CLSTN2: variants seen among roughly 807,000 people sequenced by gnomAD.
CLSTN2 encodes the protein calsyntenin-2.
Under a neutral mutation model 101.2 loss-of-function variants are expected in CLSTN2, and 48 were observed. That is an observed-to-expected ratio of 0.47 (90% CI 0.38 to 0.60). The LOEUF (loss-of-function observed/expected upper bound fraction) is 0.60. CLSTN2 is among the 20% of genes least tolerant of loss of function. The probability of loss-of-function intolerance (pLI) is 0.00; values close to 1 mark genes in which losing one functional copy is unlikely to be tolerated. For synonymous variants in CLSTN2, 481 were observed against 463.6 expected (o/e 1.04, Z -0.48); for missense variants, 1,160 against 1,238.2 (o/e 0.94, Z 0.95).
intron 2 of CLSTN2, among the ~76,000 whole-genome samples, chr3:140,246,548 G>A (rs930107518): frequency 3.9e-5 from 6 of 152,092 alleles, no homozygotes; most frequent in African/African-American, 1.4e-4. Context: ...CCTGCACAAT[G>A]GGCATGATAC....
chr3:140,157,028 G>T (rs1256611271), intron 1 of CLSTN2, among the ~76,000 whole-genome samples: 1 of 152,104 alleles, frequency 6.6e-6, no homozygotes, highest in Non-Finnish European at 1.5e-5. Flanking sequence ...GGGAGGTCTT[G>T]CCCCTGCCCT....
chr3:139,959,158 T>G (rs1935460171), intron 1 of CLSTN2, among the ~76,000 whole-genome samples: 1 of 152,154 alleles, frequency 6.6e-6, no homozygotes, highest in Non-Finnish European at 1.5e-5. Context: ...CTGTCTCTGC[T>G]GAGCCCCCCT....
chr3:140,395,370 C>T (rs1248040906), intron 2 of CLSTN2, among the ~76,000 whole-genome samples: 1 of 152,130 alleles, frequency 6.6e-6, no homozygotes, highest in Non-Finnish European at 1.5e-5. Flanking sequence ...GACCTTTATA[C>T]TTCCCACATC....
At chr3:140,020,603 T>C (rs1435571410) in intron 1 of CLSTN2, among the ~76,000 whole-genome samples, 1 of 152,184 alleles carries the variant, frequency 6.6e-6, no homozygotes, top group African/African-American at 2.4e-5. Context: ...GCGTTCCCAT[T>C]GTGCCCTGTC....
chr3:140,499,461 T>C (rs1482760370), intron 8 of CLSTN2, among the ~76,000 whole-genome samples: 1 of 152,260 alleles, frequency 6.6e-6, no homozygotes, highest in Non-Finnish European at 1.5e-5. Context: ...CATGGGAGGA[T>C]GCCTTTGGCT....
intron 1 of CLSTN2, among the ~76,000 whole-genome samples, chr3:140,045,288 T>C (rs1373434608): frequency 6.6e-6 from 1 of 152,214 alleles, no homozygotes; most frequent in African/African-American, 2.4e-5. Context: ...AATTTATCCA[T>C]TCCTTCTAGA....
intron 2 of CLSTN2, among the ~76,000 whole-genome samples, chr3:140,328,706 C>A (rs1364832578): frequency 1.3e-5 from 2 of 152,156 alleles, no homozygotes; most frequent in Non-Finnish European, 2.9e-5. Context: ...TGAACCCTGG[C>A]TCTATCACTG....
In CLSTN2 at chr3:140,511,541, CTTTTTTTTTTTTT is replaced by C. The variant is rs59924727; in HGVS notation, c.1345-20769_1345-20757del. On this transcript the variant is annotated intron_variant, in intron 8 of 16. Coordinates refer to ENST00000458420, the MANE Select transcript of CLSTN2 (RefSeq NM_022131.3). The stretch of plus-strand genomic sequence containing the variant: ...TGTGCCAGTATCTGCTGTTTCTGGA[CTTTTTTTTTTTTT>C]TTTTTTTTTTTTTGAGACAGAGCCT... 8.5e-5 allele frequency among the ~76,000 whole-genome samples: 6 copies of C among 70,848 alleles called. 1 individual carries two copies. Among genetic ancestry groups the C allele is most frequent in the African/African-American group, 3.4e-4 (5 of 14,584 alleles). 46.5% of individuals were successfully genotyped at this position (70,848 alleles called of 152,430 possible).
chr3:140,532,606 CA>C (rs1173481095), intron 9 of CLSTN2, 120 bp downstream of exon 9: 314 of 717,020 alleles, frequency 4.4e-4, no homozygotes, highest in South Asian at 7.8e-4. Context: ...CTACCCCTTA[CA>C]AAAAAAAATT....
chr3:139,953,478 C>G (rs1419739950), intron 1 of CLSTN2, among the ~76,000 whole-genome samples: 1 of 152,098 alleles, frequency 6.6e-6, no homozygotes, highest in Non-Finnish European at 1.5e-5. Flanking sequence ...CTGCTCATGC[C>G]TTTTTCGTGC....
At chr3:140,077,339 A>G (rs2008509655) in intron 1 of CLSTN2, among the ~76,000 whole-genome samples, 1 of 152,126 alleles carries the variant, frequency 6.6e-6, no homozygotes, top group South Asian at 2.1e-4. Context: ...TTCCTGGCCC[A>G]TGATCAATCA....
At chr3:140,529,137 C>T (rs1347401458) in intron 8 of CLSTN2, among the ~76,000 whole-genome samples, 2 of 152,200 alleles carry the variant, frequency 1.3e-5, no homozygotes, top group East Asian at 1.9e-4. Context: ...CTCCTCATCT[C>T]ATGGGAGGCT....
intron 1 of CLSTN2, among the ~76,000 whole-genome samples, chr3:140,016,192 C>T (rs1211582860): frequency 6.6e-6 from 1 of 152,138 alleles, no homozygotes; most frequent in African/African-American, 2.4e-5. Context: ...GGAGCTGAAG[C>T]TTACTGTGGC....
intron 2 of CLSTN2, among the ~76,000 whole-genome samples, chr3:140,248,451 G>A (rs552520839): frequency 6.6e-6 from 1 of 152,316 alleles, no homozygotes; most frequent in South Asian, 2.1e-4. Flanking sequence ...CCATTGGCCT[G>A]TGGGCAGAAG....
At chr3:140,093,767 T>G (rs953085494) in intron 1 of CLSTN2, among the ~76,000 whole-genome samples, 7 of 152,258 alleles carry the variant, frequency 4.6e-5, no homozygotes, top group Admixed American at 4.6e-4. Flanking sequence ...TTTATAGGTA[T>G]GTATTTAACT....
At chr3:140,166,812 A>C (rs984354235) in intron 1 of CLSTN2, among the ~76,000 whole-genome samples, 1 of 152,198 alleles carries the variant, frequency 6.6e-6, no homozygotes, top group Non-Finnish European at 1.5e-5. Flanking sequence ...GATAAGAAAG[A>C]GGCAAGAATT....
chr3:140,166,895 G>T (rs1010954953), intron 1 of CLSTN2, among the ~76,000 whole-genome samples: 2 of 152,144 alleles, frequency 1.3e-5, no homozygotes, highest in African/African-American at 4.8e-5. Flanking sequence ...ATATTATCTT[G>T]TCAAGAACTG....
rs945976329 is a variant in CLSTN2 at position 140,576,292 on chromosome 3, T to A, written c.*10039T>A. On this transcript the variant is annotated 3_prime_UTR_variant, in exon 17 of 17. Transcript: ENST00000458420. ...CATCTGCTGAACACCCAACAGCTGT[T>A]TCTACAAGCTAAAGTTGTAGCTTCT... is the stretch of plus-strand genomic sequence containing the variant. 2.0e-5 allele frequency: 3 copies of A among 152,176 alleles called. No individual in the cohort carries two copies. Among genetic ancestry groups the A allele is most frequent in the Non-Finnish European group, 4.4e-5 (3 of 68,036 alleles). The allele number at this position is 152,176 out of a possible 1,614,324, so 9.4% of individuals were successfully genotyped here.
intron 4 of CLSTN2, among the ~76,000 whole-genome samples, chr3:140,415,495 A>AC (rs1353127121): frequency 3.3e-5 from 5 of 150,764 alleles, no homozygotes; most frequent in Non-Finnish European, 7.4e-5. Context: ...GCAAAAAAAA[A>AC]AAAAAAAAAA....
Sources: gnomAD v4.1 joint callset for allele counts (sites outside exome capture counted in the v4.1 genomes callset) on GRCh38, gnomAD v4.1.1 for gene constraint, MANE v1.5 for transcripts, NCBI Gene and HGNC (gene_info 2026-07-23, HGNC 2026-07-21) for gene names.